PRKAB1: variants seen among roughly 807,000 people sequenced by gnomAD.
The protein encoded by PRKAB1 is protein kinase AMP-activated non-catalytic subunit beta 1.
Under a neutral mutation model 32.0 loss-of-function variants are expected in PRKAB1, and 18 were observed. That is an observed-to-expected ratio of 0.56 (90% CI 0.39 to 0.83). PRKAB1 has a LOEUF of 0.83. PRKAB1 is among the 40% of genes least tolerant of loss of function. PRKAB1 has a pLI of 0.00. For missense variants in PRKAB1, 263 were observed against 352.6 expected (o/e 0.75, Z 2.03); for synonymous variants, 141 against 141.4 (o/e 1.00, Z 0.02).
In PRKAB1 at chr12:119,668,304, C is replaced by G; in HGVS notation, c.60C>G (p.Pro20=). 1.9e-6 allele frequency: 3 copies of G among 1,612,504 alleles called. No homozygotes were observed. Among genetic ancestry groups the G allele is most frequent in the Non-Finnish European group, 2.5e-6 (3 of 1,179,380 alleles). Residue 20 remains proline, a synonymous_variant, in exon 1 of 7, where the codon CCC becomes CCG. Coordinates refer to ENST00000229328, the MANE Select transcript of PRKAB1 (RefSeq NM_006253.5). ...ALERHGGHKT[P]RRDSSGGTKD... ...AGCGGCATGGTGGCCATAAGACGCC[C>G]CGGAGGGACAGCTCGGGGGGCACCA...
Position 119,680,014 on chromosome 12 carries a change from C to T in PRKAB1, c.735+13C>T. The T allele has an allele frequency of 6.2e-7, 1 of 1,609,492 alleles. No homozygotes were observed. Among genetic ancestry groups the T allele is most frequent in the Non-Finnish European group, 8.5e-7 (1 of 1,175,746 alleles). ...GCTGTCTATCAAGGTAATGACATGT[C>T]TGTCCCCATGAGAGCTGTGTTGCCC... is the stretch of plus-strand genomic sequence containing the variant. On this transcript the variant is annotated intron_variant, in intron 6 of 6. Coordinates refer to ENST00000229328, the MANE Select transcript of PRKAB1 (RefSeq NM_006253.5).
intron 5 of PRKAB1, among the ~76,000 whole-genome samples, 188 bp downstream of exon 5, chr12:119,676,858 C>T (rs538938915): frequency 6.6e-6 from 1 of 152,360 alleles, no homozygotes; most frequent in South Asian, 2.1e-4. Flanking sequence ...GACACCGCTG[C>T]CTCGTCTTGC....
In PRKAB1 at chr12:119,674,923, G is replaced by A. The variant is rs968534585; in HGVS notation, c.532+469G>A. On this transcript the variant is annotated intron_variant, in intron 4 of 6. Coordinates refer to ENST00000229328, the MANE Select transcript of PRKAB1 (RefSeq NM_006253.5). This position sits in a 1 kb window ranked among gnomAD's most constrained non-coding sequence, Gnocchi z 4.3. Reference sequence around the variant, plus strand: ...CACCTTGTCAGAATCCCTTTGGGGAGGATGCGGCTCCCCACGGGAAACAGC... The same window carrying A: ...CACCTTGTCAGAATCCCTTTGGGGAAGATGCGGCTCCCCACGGGAAACAGC... Among the ~76,000 whole-genome samples, 1 of 152,224 alleles carries A rather than the reference G, an allele frequency of 6.6e-6. No individual in the cohort carries two copies. Among genetic ancestry groups the A allele is most frequent in the African/African-American group, 2.4e-5 (1 of 41,454 alleles).
chr12:119,669,471 G>A (rs1157130541), intron 1 of PRKAB1: 1 of 150,536 alleles, frequency 6.6e-6, no homozygotes, highest in East Asian at 2.0e-4. Flanking sequence ...GTTTCACCGT[G>A]TTAGCCAGGA....
chr12:119,668,081 G>C (rs1448142377), upstream of PRKAB1: 3 of 871,304 alleles, frequency 3.4e-6, no homozygotes, highest in Non-Finnish European at 4.8e-6. Context: ...CAACCCTGCC[G>C]ACTCAGCCGG....
At position 119,674,435 on chromosome 12, in the gene PRKAB1, A is replaced by G. The variant is rs1955408424; in HGVS notation, c.513A>G (p.Gln171=). The change falls in exon 4 of 7, where the codon CAA becomes CAG. Residue 171 remains glutamine, a synonymous_variant. Transcript: ENST00000229328. This position sits in a 1 kb window ranked among gnomAD's most constrained non-coding sequence, Gnocchi z 4.3. ...TTGATGCTTTAATGGTGGATTCCCA[A>G]AAGTGCTCCGATGTGTCTGGTATGA... The part of the protein sequence containing the change: ...EVFDALMVDS[Q]KCSDVSELSS... 29 of 1,613,268 alleles carry G rather than the reference A, an allele frequency of 1.8e-5. No individual in the cohort carries two copies. Among genetic ancestry groups the G allele is most frequent in the Non-Finnish European group, 2.5e-5 (29 of 1,179,172 alleles).
In PRKAB1 at chr12:119,674,947, G is replaced by A. The variant is rs1010844582; in HGVS notation, c.532+493G>A. Among the ~76,000 whole-genome samples, 1 of 152,340 alleles carries A rather than the reference G, an allele frequency of 6.6e-6. No individual in the cohort carries two copies. Reference sequence around the variant, plus strand: ...AGGATGCGGCTCCCCACGGGAAACAGCCTGCACAGCCCAACTCTCCTTGAT... The same window carrying A: ...AGGATGCGGCTCCCCACGGGAAACAACCTGCACAGCCCAACTCTCCTTGAT... On this transcript the variant is annotated intron_variant, in intron 4 of 6. Coordinates refer to ENST00000229328, the MANE Select transcript of PRKAB1 (RefSeq NM_006253.5). This position sits in a 1 kb window ranked among gnomAD's most constrained non-coding sequence, Gnocchi z 4.3.
rs1288663062 is a variant in PRKAB1 at position 119,668,353 on chromosome 12, C to T, written c.109C>T (p.Leu37=). ...GTKDGDRPKI[L]MDSPEDADLF... ...CAAGGACGGGGACAGGCCCAAGATCCTGATGGACAGCCCCGAAGACGCCGA... is the reference window on the plus strand; with the variant it reads ...CAAGGACGGGGACAGGCCCAAGATCTTGATGGACAGCCCCGAAGACGCCGA... The change falls in exon 1 of 7, where the codon CTG becomes TTG. Residue 37 remains leucine, a synonymous_variant. Transcript: ENST00000229328. 1.2e-6 allele frequency: 2 copies of T among 1,613,478 alleles called. No homozygotes were observed. Among genetic ancestry groups the T allele is most frequent in the Admixed American group, 1.7e-5 (1 of 59,942 alleles).
At chr12:119,675,181 T>A (rs1955414683) in intron 4 of PRKAB1, among the ~76,000 whole-genome samples, 1 of 152,196 alleles carries the variant, frequency 6.6e-6, no homozygotes, top group African/African-American at 2.4e-5. Context: ...ATTCCTGGAC[T>A]CTGAGGGAGG....
intron 6 of PRKAB1, 106 bp downstream of exon 6, chr12:119,680,107 G>A (rs1220994990): frequency 4.7e-6 from 7 of 1,503,132 alleles, no homozygotes; most frequent in Middle Eastern, 1.7e-4. Context: ...GCAGCTTCCA[G>A]GGTCTGGCAC....
Position 119,680,611 on chromosome 12 carries a change from G to T in PRKAB1, c.*286G>T, listed in dbSNP as rs966071129. ...AGAGGATCTGCAGCCCTGGCCCCGCGGTGCATGAGGCTGGGTGCAGTTCTA... is the reference window on the plus strand; with the variant it reads ...AGAGGATCTGCAGCCCTGGCCCCGCTGTGCATGAGGCTGGGTGCAGTTCTA... On this transcript the variant is annotated 3_prime_UTR_variant, in exon 7 of 7. Transcript: ENST00000229328. 1 of 453,874 alleles carries T rather than the reference G, an allele frequency of 2.2e-6. No homozygotes were observed. The highest frequency in any genetic ancestry group is 3.6e-5 in the Admixed American group (1 of 27,918). The allele number at this position is 453,874 out of a possible 1,614,324, so 28.1% of individuals were successfully genotyped here.
intron 2 of PRKAB1, among the ~76,000 whole-genome samples, chr12:119,673,185 G>A (rs1423419830): frequency 6.6e-6 from 1 of 152,156 alleles, no homozygotes; most frequent in East Asian, 1.9e-4. Flanking sequence ...AGCAGTGGTT[G>A]CACCACTGCA....
In PRKAB1 at chr12:119,676,759, G is replaced by A. The variant is rs997771938; in HGVS notation, c.666+89G>A. On this transcript the variant is annotated intron_variant, in intron 5 of 6. Coordinates refer to ENST00000229328, the MANE Select transcript of PRKAB1 (RefSeq NM_006253.5). ...GTGTCCACCTCTTGCAAAGCAGCTG[G>A]TGAGCAAGCTCAGTGTCACCCCCTA... is the stretch of plus-strand genomic sequence containing the variant. The A allele has an allele frequency of 3.0e-5, 45 of 1,489,400 alleles. 1 individual carries two copies. In the South Asian group the frequency reaches 5.1e-4, roughly 17 times the overall value. The allele number at this position is 1,489,400 out of a possible 1,614,324, so 92.3% of individuals were successfully genotyped here. A position where few individuals can be genotyped will look rare whatever the true frequency, so the allele number is the denominator to read the frequency against.
intron 1 of PRKAB1, among the ~76,000 whole-genome samples, chr12:119,669,127 T>A (rs1011565222): frequency 4.9e-5 from 7 of 144,312 alleles, no homozygotes; most frequent in East Asian, 2.0e-4. Flanking sequence ...AAAAAAAAAA[T>A]ATAAATAAAA....
In PRKAB1 at chr12:119,674,346, G is replaced by A. The variant is rs1955407820; in HGVS notation, c.424G>A (p.Val142Ile). The change falls in exon 4 of 7, where the codon GTA becomes ATA. Residue 142 changes from valine (V) to isoleucine (I), a missense_variant. Coordinates refer to ENST00000229328, the MANE Select transcript of PRKAB1 (RefSeq NM_006253.5). This position sits in a 1 kb window ranked among gnomAD's most constrained non-coding sequence, Gnocchi z 4.3. Reference protein sequence around the residue: ...QWTHDPSEPIVTSQLGTVNNI... With the variant: ...QWTHDPSEPIITSQLGTVNNI... The stretch of plus-strand genomic sequence containing the variant: ...CCTATCTGTCTCTTCCCAGCCCATA[G>A]TAACCAGCCAGCTTGGCACAGTTAA... 2.5e-6 allele frequency: 4 copies of A among 1,612,500 alleles called. No homozygotes were observed. Among genetic ancestry groups the A allele is most frequent in the Non-Finnish European group, 3.4e-6 (4 of 1,178,600 alleles).
rs1955405125 is a variant in PRKAB1 at position 119,673,959 on chromosome 12, T to G, written c.324-5T>G. The G allele has an allele frequency of 2.5e-6, 4 of 1,611,682 alleles. No homozygotes were observed. The East Asian group carries it at 8.9e-5, about 36-fold the overall frequency. The stretch of plus-strand genomic sequence containing the variant: ...GGAAGTCCTCTGCTTCCTTTTTCCT[T>G]GCAGCCACAATAACTTTGTAGCCAT... On this transcript the variant is annotated splice_polypyrimidine_tract_variant and splice_region_variant and intron_variant, in intron 2 of 6. Coordinates refer to ENST00000229328, the MANE Select transcript of PRKAB1 (RefSeq NM_006253.5).
At position 119,674,828 on chromosome 12, in the gene PRKAB1, A is replaced by G. The variant is rs1411661389; in HGVS notation, c.532+374A>G. On this transcript the variant is annotated intron_variant, in intron 4 of 6. Transcript: ENST00000229328. This position sits in a 1 kb window ranked among gnomAD's most constrained non-coding sequence, Gnocchi z 4.3. ...TGTCTCATCCCACTTGTGGTGCCTG[A>G]AGAATTTCAGCCTGACAGGTGTAAA... is the stretch of plus-strand genomic sequence containing the variant. 6.6e-6 allele frequency among the ~76,000 whole-genome samples: 1 copy of G among 152,224 alleles called. No homozygotes were observed. The highest frequency in any genetic ancestry group is 6.5e-5 in the Admixed American group (1 of 15,290).
At position 119,670,951 on chromosome 12, in the gene PRKAB1, G is replaced by A. The variant is rs533532635; in HGVS notation, c.160-1350G>A. On this transcript the variant is annotated intron_variant, in intron 1 of 6. Transcript: ENST00000229328. ...TTAACTCCCTGAAGAGTCTTTTCCA[G>A]CCTGAACCTTCTGCTCTTTTTAAGT... is the stretch of plus-strand genomic sequence containing the variant. Among the ~76,000 whole-genome samples, 3 of 152,326 alleles carry A rather than the reference G, an allele frequency of 2.0e-5. No homozygotes were observed. In the South Asian group the frequency reaches 6.2e-4, roughly 32 times the overall value.
intron 1 of PRKAB1, among the ~76,000 whole-genome samples, chr12:119,670,115 C>T (rs1955376602): frequency 6.6e-6 from 1 of 152,216 alleles, no homozygotes; most frequent in African/African-American, 2.4e-5. Context: ...TCCTGTTAAC[C>T]ACCTTCATAT....
Sources: gnomAD v4.1 joint callset for allele counts (sites outside exome capture counted in the v4.1 genomes callset) on GRCh38, gnomAD v4.1.1 for gene constraint, Gnocchi (gnomAD v3.1) non-coding constraint, MANE v1.5 for transcripts, NCBI Gene and HGNC (gene_info 2026-07-23, HGNC 2026-07-21) for gene names.